The following P4HB variants were observed in gnomAD, a reference collection of about 807,000 sequenced individuals.
The protein encoded by P4HB is protein disulfide-isomerase.
P4HB carries 20 observed loss-of-function variants against 52.6 expected under a neutral mutation model. The ratio of observed to expected loss-of-function variants is 0.38; its 90% CI spans 0.27 to 0.55. P4HB has a LOEUF of 0.55. Ranked by LOEUF, P4HB falls within the 20% of genes least tolerant of loss-of-function variation. The probability of loss-of-function intolerance (pLI) is 0.74; values close to 1 mark genes in which losing one functional copy is unlikely to be tolerated. For missense variants in P4HB, 601 were observed against 669.2 expected (o/e 0.90, Z 1.12); for synonymous variants, 296 against 277.9 (o/e 1.07, Z -0.65).
Position 81,846,889 on chromosome 17 carries a change from G to C in P4HB, c.855+58C>G. 1 of 1,604,724 alleles carries C rather than the reference G, an allele frequency of 6.2e-7. No homozygotes were observed. The highest frequency in any genetic ancestry group is 1.1e-5 in the South Asian group (1 of 90,566). On this transcript the variant is annotated intron_variant, in intron 6 of 10. Transcript: ENST00000331483. This position sits in a 1 kb window ranked among gnomAD's most constrained non-coding sequence, Gnocchi z 5.7. ...GGAAGGCCCCACACTTGTCACCTCG[G>C]GAAGAGTTGTACTGCTCCCTGGCAC...
intron 5 of P4HB, 49 bp downstream of exon 5, chr17:81,847,194 C>A: frequency 6.2e-7 from 1 of 1,604,418 alleles, no homozygotes; most frequent in Non-Finnish European, 8.5e-7. Context: ...ATGCCACCCC[C>A]AACCCACTCC....
chr17:81,854,120 G>A lies in P4HB; in HGVS notation c.624+1022C>T, dbSNP rs549291342. ...ATGCCCTTGGGGCTGAGGGGCATAC[G>A]AAGTGTGGGTGCCACCTGGGTGGGA... On this transcript the variant is annotated intron_variant, in intron 4 of 10. Coordinates refer to ENST00000331483, the MANE Select transcript of P4HB (RefSeq NM_000918.4). Among the ~76,000 whole-genome samples the A allele has an allele frequency of 1.2e-3, 183 of 152,368 alleles. 1 individual carries two copies. Among genetic ancestry groups the A allele is most frequent in the African/African-American group, 4.2e-3 (174 of 41,590 alleles).
chr17:81,846,591 G>A lies in P4HB; in HGVS notation c.894C>T (p.Asn298=), dbSNP rs1267117406. 1.2e-6 allele frequency: 2 copies of A among 1,613,978 alleles called. No individual in the cohort carries two copies. Among genetic ancestry groups the A allele is most frequent in the East Asian group, 2.2e-5 (1 of 44,886 alleles). ...GGCCAAAGAACTCGAGGATGCGCTG[G>A]TTGTCGGTGTGGTCGCTGTCGATGA... ...FIFIDSDHTD[N]QRILEFFGLK... Residue 298 remains asparagine (N), a synonymous_variant, in exon 7 of 11, where the codon AAC becomes AAT. Coordinates refer to ENST00000331483, the MANE Select transcript of P4HB (RefSeq NM_000918.4). This position sits in a 1 kb window ranked among gnomAD's most constrained non-coding sequence, Gnocchi z 5.7.
At chr17:81,849,494 C>CAAAAAAT (rs1330442070) in intron 4 of P4HB, among the ~76,000 whole-genome samples, 1 of 151,842 alleles carries the variant, frequency 6.6e-6, no homozygotes, top group African/African-American at 2.4e-5. Context: ...GACTTCATCT[C>CAAAAAAT]AAAAAATAAA....
Position 81,860,528 on chromosome 17 carries a change from A to T in P4HB, c.-57T>A. On this transcript the variant is annotated 5_prime_UTR_variant, in exon 1 of 11. Transcript: ENST00000331483. ...TGGCGCCGCCGGGACAGCGGGGGCG[A>T]CGAGAGCGCGCGCCGGTCCCGGCCT... 1 of 1,228,160 alleles carries T rather than the reference A, an allele frequency of 8.1e-7. No homozygotes were observed. The highest frequency in any genetic ancestry group is 3.7e-5 in the South Asian group (1 of 26,742). The allele number at this position is 1,228,160 out of a possible 1,614,324, so 76.1% of individuals were successfully genotyped here.
intron 4 of P4HB, among the ~76,000 whole-genome samples, chr17:81,851,381 G>A (rs956074279): frequency 2.6e-5 from 4 of 152,256 alleles, no homozygotes; most frequent in African/African-American, 9.6e-5. Flanking sequence ...GGCCTGGCCT[G>A]ACTGCCAAGG....
chr17:81,853,869 T>C (rs2038872369), intron 4 of P4HB, among the ~76,000 whole-genome samples: 1 of 152,126 alleles, frequency 6.6e-6, no homozygotes, highest in Non-Finnish European at 1.5e-5. Flanking sequence ...GGTTCAGCTG[T>C]CCCTAGAGCA....
At chr17:81,849,830 A>AT (rs200624754) in intron 4 of P4HB, among the ~76,000 whole-genome samples, 2,690 of 151,714 alleles carry the variant, frequency 0.018, 147 homozygotes, top group East Asian at 0.17. Flanking sequence ...AAATTTATTT[A>AT]TTTTTTTATT....
Position 81,843,965 on chromosome 17 carries a change from T to G in P4HB, c.*47A>C. On this transcript the variant is annotated 3_prime_UTR_variant, in exon 11 of 11. Coordinates refer to ENST00000331483, the MANE Select transcript of P4HB (RefSeq NM_000918.4). The stretch of plus-strand genomic sequence containing the variant: ...CGGAGGCGTGCGCTGCTGCTGGGTG[T>G]GCAGCCCCCGAGGGGTCTCGGCAGC... 1 of 1,377,286 alleles carries G rather than the reference T, an allele frequency of 7.3e-7. No homozygotes were observed. Among genetic ancestry groups the G allele is most frequent in the South Asian group, 1.2e-5 (1 of 86,408 alleles). The allele number at this position is 1,377,286 out of a possible 1,614,324, so 85.3% of individuals were successfully genotyped here.
Position 81,846,097 on chromosome 17 carries a change from C to T in P4HB, c.1057-106G>A, listed in dbSNP as rs1249005044. 2.2e-6 allele frequency: 3 copies of T among 1,343,884 alleles called. No individual in the cohort carries two copies. The East Asian group carries it at 7.5e-5, about 34-fold the overall frequency. 83.2% of individuals were successfully genotyped at this position (1,343,884 alleles called of 1,614,324 possible). ...CTGAGGTGCGTGGCTGCCCTGGGCACACCAGGGTGGCAGCCGCAGACACCA... is the reference window on the plus strand; with the variant it reads ...CTGAGGTGCGTGGCTGCCCTGGGCATACCAGGGTGGCAGCCGCAGACACCA... On this transcript the variant is annotated intron_variant, in intron 7 of 10. Transcript: ENST00000331483. This position sits in a 1 kb window ranked among gnomAD's most constrained non-coding sequence, Gnocchi z 5.7.
rs762027404 is a variant in P4HB at position 81,855,178 on chromosome 17, G to A, written c.588C>T (p.Tyr196=). ...GGACAACCCCATCTTTGTCGAGCTG[G>A]TATTTGGAGAACACGTCACTGTTGG... ...ITSNSDVFSK[Y]QLDKDGVVLF... is the part of the protein sequence containing the mutation. The change falls in exon 4 of 11, where the codon TAC becomes TAT. Residue 196 remains tyrosine (Y), a synonymous_variant. Coordinates refer to ENST00000331483, the MANE Select transcript of P4HB (RefSeq NM_000918.4). This position sits in a 1 kb window ranked among gnomAD's most constrained non-coding sequence, Gnocchi z 4.3. 1.2e-6 allele frequency: 2 copies of A among 1,614,060 alleles called. No individual in the cohort carries two copies. Among genetic ancestry groups the A allele is most frequent in the Non-Finnish European group, 8.5e-7 (1 of 1,179,970 alleles).
chr17:81,853,179 G>A (rs2038858874), intron 4 of P4HB, among the ~76,000 whole-genome samples: 1 of 152,194 alleles, frequency 6.6e-6, no homozygotes, highest in Non-Finnish European at 1.5e-5. Flanking sequence ...ACAAGAACAT[G>A]GAAGCAAGCC....
At position 81,855,299 on chromosome 17, in the gene P4HB, C is replaced by T. The variant is rs1332575317; in HGVS notation, c.487-20G>A. The T allele has an allele frequency of 6.2e-7, 1 of 1,613,346 alleles. No homozygotes were observed. Among genetic ancestry groups the T allele is most frequent in the African/African-American group, 1.3e-5 (1 of 74,858 alleles). On this transcript the variant is annotated intron_variant, in intron 3 of 10. Coordinates refer to ENST00000331483, the MANE Select transcript of P4HB (RefSeq NM_000918.4). This position sits in a 1 kb window ranked among gnomAD's most constrained non-coding sequence, Gnocchi z 4.3. ...CACGTCCTGAATGAGGAGGGAGAAG[C>T]AGAGGTCGTCATGATCCCGCAGCAC...
Position 81,860,492 on chromosome 17 carries a change from G to C in P4HB, c.-21C>G. 2.4e-6 allele frequency: 3 copies of C among 1,253,484 alleles called. No individual in the cohort carries two copies. The highest frequency in any genetic ancestry group is 3.0e-6 in the Non-Finnish European group (3 of 996,776). 77.6% of individuals were successfully genotyped at this position (1,253,484 alleles called of 1,614,324 possible). On this transcript the variant is annotated 5_prime_UTR_variant, in exon 1 of 11. Coordinates refer to ENST00000331483, the MANE Select transcript of P4HB (RefSeq NM_000918.4). ...AGCATGTCGGACACGGATCAGGCGG[G>C]GCGCTTCGGTTGGCGCCGCCGGGAC...
chr17:81,852,370 G>A (rs991421581), intron 4 of P4HB, among the ~76,000 whole-genome samples: 1 of 152,194 alleles, frequency 6.6e-6, no homozygotes, highest in Non-Finnish European at 1.5e-5. Flanking sequence ...ACTCAGCCAG[G>A]CTGCCCACTG....
In P4HB at chr17:81,855,129, T is replaced by C. The variant is rs747643850; in HGVS notation, c.624+13A>G. 6.2e-7 allele frequency: 1 copy of C among 1,613,828 alleles called. No homozygotes were observed. Among genetic ancestry groups the C allele is most frequent in the Non-Finnish European group, 8.5e-7 (1 of 1,179,850 alleles). ...CAGAACTAACCTGGGCAGAGCTGCCTGGGGCCACTCACCTTCTTAAAGAGG... is the reference window on the plus strand; with the variant it reads ...CAGAACTAACCTGGGCAGAGCTGCCCGGGGCCACTCACCTTCTTAAAGAGG... On this transcript the variant is annotated intron_variant, in intron 4 of 10. Coordinates refer to ENST00000331483, the MANE Select transcript of P4HB (RefSeq NM_000918.4). The surrounding 1 kb of genome is among the most constrained non-coding windows in gnomAD (Gnocchi z 4.3).
In P4HB at chr17:81,846,938, G is replaced by A; in HGVS notation, c.855+9C>T. The stretch of plus-strand genomic sequence containing the variant: ...ACCGCCCCACGAGCCACCCAGAAGA[G>A]CAGCTCACCTTGCCCTTGAAGCTCT... On this transcript the variant is annotated intron_variant, in intron 6 of 10. Transcript: ENST00000331483. This position sits in a 1 kb window ranked among gnomAD's most constrained non-coding sequence, Gnocchi z 5.7. 1 of 1,613,648 alleles carries A rather than the reference G, an allele frequency of 6.2e-7. No individual in the cohort carries two copies.
chr17:81,846,881 T>A lies in P4HB; in HGVS notation c.855+66A>T, dbSNP rs757954057. On this transcript the variant is annotated intron_variant, in intron 6 of 10. Coordinates refer to ENST00000331483, the MANE Select transcript of P4HB (RefSeq NM_000918.4). This position sits in a 1 kb window ranked among gnomAD's most constrained non-coding sequence, Gnocchi z 5.7. ...CAGCCTCAGGAAGGCCCCACACTTG[T>A]CACCTCGGGAAGAGTTGTACTGCTC... 170 of 1,595,670 alleles carry A rather than the reference T, an allele frequency of 1.1e-4. No homozygotes were observed. Among genetic ancestry groups the A allele is most frequent in the Non-Finnish European group, 1.4e-4 (167 of 1,167,546 alleles).
At chr17:81,860,251 G>T in intron 1 of P4HB, 76 bp downstream of exon 1, 1 of 1,222,956 alleles carries the variant, frequency 8.2e-7, no homozygotes, top group Non-Finnish European at 1.0e-6. Flanking sequence ...CCCGGGGGCT[G>T]CCGGGCCGTG....
Sources: allele counts gnomAD v4.1 joint callset (sites outside exome capture counted in the v4.1 genomes callset), GRCh38; gene constraint gnomAD v4.1.1; non-coding constraint Gnocchi (gnomAD v3.1); transcripts MANE v1.5; gene names NCBI Gene and HGNC (gene_info 2026-07-23, HGNC 2026-07-21).